MRAP2: variants seen among roughly 807,000 people sequenced by gnomAD.
MRAP2 encodes the protein melanocortin 2 receptor accessory protein 2.
A neutral mutation model predicts 17.4 loss-of-function variants in MRAP2; 20 were observed. The ratio of observed to expected loss-of-function variants is 1.15; its 90% CI spans 0.81 to 1.67. The LOEUF (loss-of-function observed/expected upper bound fraction) is 1.67. Among genes scored for constraint, MRAP2 ranks in the 40% most tolerant of loss-of-function variants. The pLI is 0.00. For missense variants in MRAP2, 238 were observed against 240.0 expected, an observed-to-expected ratio of 0.99 and a Z score of 0.05; for synonymous variants, 96 against 88.4, an observed-to-expected ratio of 1.09 and a Z score of -0.48.
At chr6:84,050,665 T>C (rs1274485006) in intron 1 of MRAP2, among the ~76,000 whole-genome samples, 1 of 152,218 alleles carries the variant, frequency 6.6e-6, no homozygotes, top group Non-Finnish European at 1.5e-5. Context: ...GACTTCTCTA[T>C]GTTGTGCGGG....
At chr6:84,091,027 A>C (rs766441524), downstream of MRAP2, 1 of 152,196 alleles carries the variant, frequency 6.6e-6, no homozygotes, top group East Asian at 1.9e-4. Flanking sequence ...TGAGCCATGC[A>C]TGAGATTTAG....
the MRAP2 span, among the ~76,000 whole-genome samples, chr6:84,110,181 G>C: frequency 6.6e-6 from 1 of 152,078 alleles, no homozygotes; most frequent in Non-Finnish European, 1.5e-5. Flanking sequence ...TTCCAAAATG[G>C]TTGAACTAAT....
chr6:84,063,491 C>T (rs1206641089), intron 3 of MRAP2: 1 of 866,066 alleles, frequency 1.2e-6, no homozygotes, highest in Admixed American at 6.2e-5. Flanking sequence ...AACTAGGATA[C>T]AAAGGCAAAC....
chr6:84,122,352 C>CAAA, the MRAP2 span, among the ~76,000 whole-genome samples: 608 of 36,114 alleles, frequency 0.017, 71 homozygotes, highest in African/African-American at 0.057. Flanking sequence ...ACAGCACATC[C>CAAA]AAAAAAAAAA....
the MRAP2 span, among the ~76,000 whole-genome samples, chr6:84,100,380 C>A: frequency 6.6e-6 from 1 of 152,146 alleles, no homozygotes; most frequent in Non-Finnish European, 1.5e-5. Flanking sequence ...CTTCCCACCT[C>A]AGCCTCCTGG....
At chr6:84,144,457 T>C in the MRAP2 span, among the ~76,000 whole-genome samples, 38,145 of 152,024 alleles carry the variant, frequency 0.25, 10,714 homozygotes, top group African/African-American at 0.7. Flanking sequence ...GATGTTTAAC[T>C]ATGGCTAGTT....
intron 1 of MRAP2, among the ~76,000 whole-genome samples, chr6:84,054,545 A>G (rs1258176965): frequency 6.6e-6 from 1 of 151,984 alleles, no homozygotes; most frequent in Non-Finnish European, 1.5e-5. Flanking sequence ...TTCTTTATTC[A>G]CTCCATTTTA....
In MRAP2 at chr6:84,089,077, CT is replaced by C. The variant is rs747117191; in HGVS notation, c.228-7del. On this transcript the variant is annotated splice_polypyrimidine_tract_variant and intron_variant, in intron 3 of 3. Coordinates refer to ENST00000257776, the MANE Select transcript of MRAP2 (RefSeq NM_138409.4). ...TGGAGTGTAAGCAGTCTTTTATTTT[CT>C]TTTTTTAAATAGCAATGCAGAGTCC... is the stretch of plus-strand genomic sequence containing the variant. The C allele has an allele frequency of 5.7e-4, 908 of 1,589,154 alleles. 1 individual carries two copies. Among genetic ancestry groups the C allele is most frequent in the Non-Finnish European group, 6.9e-4 (813 of 1,170,042 alleles).
chr6:84,140,049 G>C, the MRAP2 span, among the ~76,000 whole-genome samples: 4 of 148,914 alleles, frequency 2.7e-5, no homozygotes, highest in Admixed American at 2.0e-4. Context: ...TATGTCCTGA[G>C]AGCTTGGCTT....
chr6:84,117,642 GGTGTGTGTCTGTGT>G, the MRAP2 span, among the ~76,000 whole-genome samples: 468 of 140,960 alleles, frequency 3.3e-3, 2 homozygotes, highest in African/African-American at 0.012. Flanking sequence ...TTGGATGTGG[GGTGTGTGTCTGTGT>G]GTGTGTGTGT....
the MRAP2 span, among the ~76,000 whole-genome samples, chr6:84,133,005 T>G: frequency 6.6e-6 from 1 of 152,150 alleles, no homozygotes; most frequent in Non-Finnish European, 1.5e-5. Flanking sequence ...CTACCTTTGG[T>G]CTTTGATGAT....
At chr6:84,105,304 G>T in the MRAP2 span, among the ~76,000 whole-genome samples, 2 of 152,276 alleles carry the variant, frequency 1.3e-5, no homozygotes, top group African/African-American at 4.8e-5. Context: ...ATTTACAAAA[G>T]AAAGAGGTTT....
At chr6:84,103,212 G>A in the MRAP2 span, among the ~76,000 whole-genome samples, 1 of 152,194 alleles carries the variant, frequency 6.6e-6, no homozygotes, top group African/African-American at 2.4e-5. Flanking sequence ...AAGAGGAAGG[G>A]TAGAAACGTA....
At chr6:84,093,986 C>T (rs191066393), downstream of MRAP2, among the ~76,000 whole-genome samples, 708 of 152,284 alleles carry the variant, frequency 4.6e-3, 3 homozygotes, top group African/African-American at 0.017. Flanking sequence ...AAACAGAAAA[C>T]GAACCAGCCT....
chr6:84,061,848 CT>C, intron 2 of MRAP2: 1 of 985,394 alleles, frequency 1.0e-6, no homozygotes, highest in African/African-American at 1.7e-5. Flanking sequence ...GTATAAAGTG[CT>C]TTATGTGTGG....
chr6:84,046,061 T>C (rs1239796819), intron 1 of MRAP2, among the ~76,000 whole-genome samples: 2 of 152,222 alleles, frequency 1.3e-5, no homozygotes, highest in Non-Finnish European at 2.9e-5. Flanking sequence ...TGAACCGCCA[T>C]GGAAGTGTCT....
At chr6:84,060,702 T>C (rs537866656) in intron 2 of MRAP2, among the ~76,000 whole-genome samples, 1 of 151,984 alleles carries the variant, frequency 6.6e-6, no homozygotes, top group African/African-American at 2.4e-5. Flanking sequence ...TTTTTTTTTT[T>C]TGAGACGGAG....
chr6:84,097,054 A>G, the MRAP2 span, among the ~76,000 whole-genome samples: 158 of 152,334 alleles, frequency 1.0e-3, no homozygotes, highest in Non-Finnish European at 1.6e-3. Flanking sequence ...TTTAAATATC[A>G]TAAGTCGGGT....
At chr6:84,129,197 G>GTATA in the MRAP2 span, among the ~76,000 whole-genome samples, 1 of 152,108 alleles carries the variant, frequency 6.6e-6, no homozygotes, top group Non-Finnish European at 1.5e-5. Flanking sequence ...AATCCTTTGG[G>GTATA]TATATACCCA....
Sources: allele counts gnomAD v4.1 joint callset (sites outside exome capture counted in the v4.1 genomes callset), GRCh38; gene constraint gnomAD v4.1.1; transcripts MANE v1.5; gene names NCBI Gene and HGNC (gene_info 2026-07-23, HGNC 2026-07-21).